ITPR2: variants seen among roughly 807,000 people sequenced by gnomAD.
The protein encoded by ITPR2 is inositol 1,4,5-trisphosphate-gated calcium channel ITPR2.
Under a neutral mutation model 317.1 loss-of-function variants are expected in ITPR2, and 207 were observed. The ratio of observed to expected loss-of-function variants is 0.65; its 90% CI spans 0.58 to 0.73. The LOEUF is 0.73. Among genes scored for constraint, ITPR2 ranks in the 30% least tolerant of loss-of-function variants. ITPR2 has a pLI of 0.00. For synonymous variants in ITPR2, 1,156 were observed against 1,149.1 expected (o/e 1.01, Z -0.12); for missense variants, 2,613 against 3,284.0 (o/e 0.80, Z 4.99).
intron 1 of ITPR2, among the ~76,000 whole-genome samples, chr12:26,829,734 C>T (rs1016648028): frequency 6.6e-6 from 1 of 152,148 alleles, no homozygotes; most frequent in Admixed American, 6.6e-5. Flanking sequence ...CTACAACTGT[C>T]CTTTGAAAAG....
intron 55 of ITPR2, among the ~76,000 whole-genome samples, chr12:26,341,708 T>A (rs2136541656): frequency 6.6e-6 from 1 of 152,344 alleles, no homozygotes; most frequent in South Asian, 2.1e-4. Context: ...ATTCAGTCAA[T>A]CCTTCAGCAT....
At chr12:26,567,823 T>C (rs10842757) in intron 34 of ITPR2, among the ~76,000 whole-genome samples, 52,320 of 149,604 alleles carry the variant, frequency 0.35, 11,306 homozygotes, top group South Asian at 0.49. Context: ...AAAATGAAAA[T>C]ATTAATTTAT....
intron 37 of ITPR2, among the ~76,000 whole-genome samples, chr12:26,541,389 C>T (rs1188231953): frequency 6.6e-6 from 1 of 152,092 alleles, no homozygotes; most frequent in Non-Finnish European, 1.5e-5. Context: ...TAAGATGGTA[C>T]ACAGTTGCAG....
intron 54 of ITPR2, among the ~76,000 whole-genome samples, chr12:26,395,781 C>CT (rs1168672877): frequency 6.6e-6 from 1 of 152,188 alleles, no homozygotes; most frequent in Non-Finnish European, 1.5e-5. Flanking sequence ...GAACCTGTCA[C>CT]TTTGTCATTT....
chr12:26,662,409 T>C (rs1342075427), intron 15 of ITPR2, among the ~76,000 whole-genome samples: 1 of 152,178 alleles, frequency 6.6e-6, no homozygotes, highest in East Asian at 1.9e-4. Flanking sequence ...AAGCACACAA[T>C]AAATACTACT....
intron 47 of ITPR2, among the ~76,000 whole-genome samples, chr12:26,437,653 A>G (rs559667350): frequency 2.1e-5 from 3 of 141,670 alleles, no homozygotes; most frequent in South Asian, 2.3e-4. Flanking sequence ...TTAAAGTAAA[A>G]TGTACATTGA....
At chr12:26,530,089 G>A (rs893042018) in intron 37 of ITPR2, among the ~76,000 whole-genome samples, 1 of 152,188 alleles carries the variant, frequency 6.6e-6, no homozygotes, top group African/African-American at 2.4e-5. Flanking sequence ...GAGAGAAGGA[G>A]ATCAGAGAAT....
intron 45 of ITPR2, among the ~76,000 whole-genome samples, chr12:26,471,039 T>G (rs1484760484): frequency 6.6e-6 from 1 of 152,214 alleles, no homozygotes; most frequent in East Asian, 1.9e-4. Context: ...TTTTCAAGCC[T>G]GCATTTTGAA....
chr12:26,537,198 T>C (rs778622779), intron 37 of ITPR2, among the ~76,000 whole-genome samples: 17 of 152,312 alleles, frequency 1.1e-4, no homozygotes, highest in Non-Finnish European at 1.9e-4. Context: ...CTGTACATTT[T>C]GTGCATTAAC....
chr12:26,527,996 C>A (rs1943851002), intron 37 of ITPR2, among the ~76,000 whole-genome samples: 2 of 152,158 alleles, frequency 1.3e-5, no homozygotes, highest in Non-Finnish European at 2.9e-5. Context: ...GAAGGAATAA[C>A]AGATGTTAGC....
At chr12:26,705,413 G>C (rs1027346635) in intron 9 of ITPR2, among the ~76,000 whole-genome samples, 1 of 151,996 alleles carries the variant, frequency 6.6e-6, no homozygotes, top group Non-Finnish European at 1.5e-5. Flanking sequence ...TGATTTTCCA[G>C]GTGCTTCTGG....
At chr12:26,599,040 A>G in intron 30 of ITPR2, 105 bp downstream of exon 30, 2 of 1,001,048 alleles carry the variant, frequency 2.0e-6, no homozygotes, top group Non-Finnish European at 3.0e-6. Context: ...TAAATTAAAT[A>G]ATTTTCCAAA....
At chr12:26,531,548 G>T (rs187902264) in intron 37 of ITPR2, among the ~76,000 whole-genome samples, 98 of 152,148 alleles carry the variant, frequency 6.4e-4, no homozygotes, top group African/African-American at 2.2e-3. Context: ...AGATTAGATT[G>T]CCTCTTCACT....
chr12:26,348,441 A>T (rs1191446883), intron 55 of ITPR2, among the ~76,000 whole-genome samples: 1 of 152,202 alleles, frequency 6.6e-6, no homozygotes, highest in Non-Finnish European at 1.5e-5. Context: ...TTGAGGGCAG[A>T]TTAGGCATTA....
Position 26,722,517 on chromosome 12 carries a change from G to T in ITPR2, c.405C>A (p.Asn135Lys), listed in dbSNP as rs1948854851. The change falls in exon 5 of 57, where the codon AAC (asparagine) becomes AAA (lysine). Residue 135 changes from asparagine (N) to lysine (K), a missense_variant. By Grantham distance (94) the Asn-to-Lys change is moderately conservative. Transcript: ENST00000381340. ...TCTCCAGTAAAGCAGGTAATCTCTT[G>T]TTGACAGTAAGATATTTGTTGCTTT... ...HIKSNKYLTVNKRLPALLEKN... is the reference protein window; with the variant it reads ...HIKSNKYLTVKKRLPALLEKN... The T allele has an allele frequency of 3.1e-6, 5 of 1,612,710 alleles. No homozygotes were observed. The South Asian group carries it at 5.5e-5, about 18-fold the overall frequency.
chr12:26,414,718 A>G (rs1206486839), intron 51 of ITPR2, among the ~76,000 whole-genome samples: 1 of 152,152 alleles, frequency 6.6e-6, no homozygotes, highest in African/African-American at 2.4e-5. Flanking sequence ...ACGGTGCCTA[A>G]CCAGTCACGA....
intron 22 of ITPR2, among the ~76,000 whole-genome samples, chr12:26,628,701 C>T (rs75172467): frequency 0.013 from 1,915 of 152,282 alleles, 14 homozygotes; most frequent in Middle Eastern, 0.034. Flanking sequence ...TGTCATTGTT[C>T]TCATTCATGG....
chr12:26,803,370 A>T (rs1950593067), intron 1 of ITPR2, among the ~76,000 whole-genome samples: 1 of 152,124 alleles, frequency 6.6e-6, no homozygotes, highest in African/African-American at 2.4e-5. Context: ...AAAAAAAAAA[A>T]ATGTTAAATG....
At chr12:26,820,371 T>C (rs1042248651) in intron 1 of ITPR2, among the ~76,000 whole-genome samples, 14 of 152,294 alleles carry the variant, frequency 9.2e-5, no homozygotes, top group South Asian at 4.1e-4. Context: ...AACAAATATT[T>C]ATTAATATTT....
Sources: allele counts gnomAD v4.1 joint callset (sites outside exome capture counted in the v4.1 genomes callset), GRCh38; gene constraint gnomAD v4.1.1; transcripts MANE v1.5; gene names NCBI Gene and HGNC (gene_info 2026-07-23, HGNC 2026-07-21).